GRIK4: variants seen among roughly 807,000 people sequenced by gnomAD.
GRIK4 encodes the protein glutamate ionotropic receptor kainate type subunit 4.
A neutral mutation model predicts 104.9 loss-of-function variants in GRIK4; 40 were observed. The ratio of observed to expected loss-of-function variants is 0.38; its 90% CI spans 0.30 to 0.50. GRIK4 has a LOEUF of 0.50. GRIK4 is among the 20% of genes least tolerant of loss of function. The pLI is 0.93. For synonymous variants in GRIK4, 485 were observed against 524.9 expected (o/e 0.92, Z 1.04); for missense variants, 1,047 against 1,308.1 (o/e 0.80, Z 3.08).
intron 3 of GRIK4, among the ~76,000 whole-genome samples, chr11:120,706,736 G>A (rs909060770): frequency 1.1e-4 from 16 of 152,264 alleles, no homozygotes; most frequent in Middle Eastern, 3.4e-3. Context: ...AGAAGGGAGC[G>A]TATGACCAAG....
intron 2 of GRIK4, among the ~76,000 whole-genome samples, chr11:120,654,543 A>G (rs1415201964): frequency 6.6e-6 from 1 of 152,006 alleles, no homozygotes; most frequent in African/African-American, 2.4e-5. Flanking sequence ...TTGTATTTTT[A>G]GTAGTGACCG....
chr11:120,557,956 T>C (rs572797575), intron 1 of GRIK4, among the ~76,000 whole-genome samples: 1 of 144,026 alleles, frequency 6.9e-6, no homozygotes, highest in South Asian at 2.2e-4. Context: ...AGGCGGAGCT[T>C]GCAGTGAGCC....
intron 20 of GRIK4, among the ~76,000 whole-genome samples, chr11:120,984,747 C>T (rs984642565): frequency 1.0e-4 from 15 of 150,170 alleles, no homozygotes; most frequent in South Asian, 2.1e-4. Flanking sequence ...CCAGCCTGGG[C>T]GACAGAGGAA....
intron 3 of GRIK4, among the ~76,000 whole-genome samples, chr11:120,750,350 CTTTTTTTT>C (rs869135246): frequency 4.2e-4 from 32 of 76,120 alleles, no homozygotes; most frequent in African/African-American, 1.8e-3. Flanking sequence ...CTAGAAATCT[CTTTTTTTT>C]TTTTTTTTTT....
chr11:120,780,885 G>A (rs1952142944), intron 3 of GRIK4, among the ~76,000 whole-genome samples: 1 of 152,088 alleles, frequency 6.6e-6, no homozygotes, highest in African/African-American at 2.4e-5. Flanking sequence ...GGGACTACAG[G>A]CGCCTGCCAC....
intron 14 of GRIK4, among the ~76,000 whole-genome samples, chr11:120,951,029 T>G (rs1038407347): frequency 6.6e-6 from 1 of 152,214 alleles, no homozygotes; most frequent in Non-Finnish European, 1.5e-5. Context: ...AGTTCCGTGG[T>G]CTGAGCCAAT....
chr11:120,838,946 C>T (rs968202043), intron 8 of GRIK4, among the ~76,000 whole-genome samples: 1 of 152,160 alleles, frequency 6.6e-6, no homozygotes, highest in African/African-American at 2.4e-5. Context: ...GCCACCATGC[C>T]TCGCTAATTT....
chr11:120,782,809 C>G (rs1465071838), intron 3 of GRIK4, among the ~76,000 whole-genome samples: 2 of 152,184 alleles, frequency 1.3e-5, no homozygotes, highest in Non-Finnish European at 2.9e-5. Context: ...GGGGCAATTT[C>G]TCCCCCTCTC....
chr11:120,857,502 G>GCA (rs60629273), intron 8 of GRIK4, among the ~76,000 whole-genome samples: 11 of 150,096 alleles, frequency 7.3e-5, no homozygotes, highest in African/African-American at 2.2e-4. Context: ...ATGCACACAT[G>GCA]CACACACACA....
At chr11:120,857,346 C>T (rs992417975) in intron 8 of GRIK4, among the ~76,000 whole-genome samples, 6 of 152,156 alleles carry the variant, frequency 3.9e-5, no homozygotes, top group African/African-American at 1.4e-4. Flanking sequence ...CGCCCTTCCA[C>T]GTAGCTCTCA....
rs1942762065 is a variant in GRIK4 at position 120,902,415 on chromosome 11, G to A, written c.1273-2875G>A. Among the ~76,000 whole-genome samples the A allele has an allele frequency of 6.6e-6, 1 of 152,144 alleles. No individual in the cohort carries two copies. Among genetic ancestry groups the A allele is most frequent in the Non-Finnish European group, 1.5e-5 (1 of 68,028 alleles). On this transcript the variant is annotated intron_variant, in intron 12 of 20. Coordinates refer to ENST00000527524, the MANE Select transcript of GRIK4 (RefSeq NM_014619.5). This position sits in a 1 kb window ranked among gnomAD's most constrained non-coding sequence, Gnocchi z 4.5. The stretch of plus-strand genomic sequence containing the variant: ...GACCGGCCTTGTGTCTGTTCACTTT[G>A]AATATGTCAATAAGTTTTAAATTAA...
chr11:120,596,588 ATATG>A lies in GRIK4; in HGVS notation c.-158-57094_-158-57091del, dbSNP rs201701347. Among the ~76,000 whole-genome samples, 1,206 of 152,260 alleles carry A rather than the reference ATATG, an allele frequency of 7.9e-3. 19 individuals are homozygous for A. Among genetic ancestry groups the A allele is most frequent in the African/African-American group, 0.027 (1,107 of 41,534 alleles). Reference sequence around the variant, plus strand: ...TGTCTATGTGTCTACGTTGAAGTCTATATGTAAGTCTCTATGCCTAAGCCTCTGT... The same window carrying A: ...TGTCTATGTGTCTACGTTGAAGTCTATAAGTCTCTATGCCTAAGCCTCTGT... On this transcript the variant is annotated intron_variant, in intron 1 of 20. Coordinates refer to ENST00000527524, the MANE Select transcript of GRIK4 (RefSeq NM_014619.5).
chr11:120,611,039 A>G (rs1949031512), intron 1 of GRIK4, among the ~76,000 whole-genome samples: 1 of 152,184 alleles, frequency 6.6e-6, no homozygotes, highest in Admixed American at 6.5e-5. Context: ...GTGAGCGGAC[A>G]AGACTTTGAT....
chr11:120,867,089 A>G (rs562800862), intron 9 of GRIK4, among the ~76,000 whole-genome samples: 5 of 152,072 alleles, frequency 3.3e-5, no homozygotes, highest in Non-Finnish European at 7.4e-5. Context: ...TCTGTCTCCC[A>G]GTGCCAGAGA....
intron 1 of GRIK4, among the ~76,000 whole-genome samples, chr11:120,645,491 C>T (rs1403013087): frequency 6.6e-6 from 1 of 152,210 alleles, no homozygotes. Flanking sequence ...CCTTGGTGAG[C>T]CCATCATCTA....
At chr11:120,911,843 CAAA>C (rs200523419) in intron 13 of GRIK4, among the ~76,000 whole-genome samples, 2 of 125,810 alleles carry the variant, frequency 1.6e-5, no homozygotes, top group Non-Finnish European at 3.3e-5. Context: ...GACTCCATCT[CAAA>C]AAAAAAAAAA....
At chr11:120,528,128 T>C (rs1360332804) in intron 1 of GRIK4, among the ~76,000 whole-genome samples, 2 of 151,864 alleles carry the variant, frequency 1.3e-5, no homozygotes, top group Non-Finnish European at 2.9e-5. Flanking sequence ...AATGCTCAGC[T>C]ATTTTTTATT....
In GRIK4 at chr11:120,513,608, G is replaced by A. The variant is rs1442968641; in HGVS notation, c.-159+1721G>A. ...ACCCTTCGGAGAGTTAATCTAATAT[G>A]CACACATTACAGTGTCTGGGTTTGT... On this transcript the variant is annotated intron_variant, in intron 1 of 20. Transcript: ENST00000527524. This position sits in a 1 kb window ranked among gnomAD's most constrained non-coding sequence, Gnocchi z 4.5. Among the ~76,000 whole-genome samples, 1 of 152,184 alleles carries A rather than the reference G, an allele frequency of 6.6e-6. No individual in the cohort carries two copies. Among genetic ancestry groups the A allele is most frequent in the African/African-American group, 2.4e-5 (1 of 41,440 alleles).
intron 3 of GRIK4, among the ~76,000 whole-genome samples, chr11:120,764,796 T>A (rs980874428): frequency 6.6e-6 from 1 of 152,226 alleles, no homozygotes; most frequent in Admixed American, 6.5e-5. Flanking sequence ...CACTCTCTTC[T>A]GGCTTGTAGG....
Sources: allele counts gnomAD v4.1 joint callset (sites outside exome capture counted in the v4.1 genomes callset), GRCh38; gene constraint gnomAD v4.1.1; non-coding constraint Gnocchi (gnomAD v3.1); transcripts MANE v1.5; gene names NCBI Gene and HGNC (gene_info 2026-07-23, HGNC 2026-07-21).